STK32B: variants seen among roughly 807,000 people sequenced by gnomAD.
STK32B encodes the protein serine/threonine kinase 32B.
STK32B carries 43 observed loss-of-function variants against 52.6 expected under a neutral mutation model. The observed-to-expected ratio is 0.82, with a 90% CI of 0.64 to 1.05. The LOEUF is 1.05. Ranked by LOEUF, STK32B falls within the 50% of genes least tolerant of loss-of-function variation. The pLI, the probability that STK32B is intolerant of heterozygous loss-of-function variation, is 0.00. For missense variants in STK32B, 621 were observed against 534.6 expected, an observed-to-expected ratio of 1.16 and a Z score of -1.59; for synonymous variants, 238 against 204.3, an observed-to-expected ratio of 1.17 and a Z score of -1.41.
intron 3 of STK32B, among the ~76,000 whole-genome samples, chr4:5,205,698 G>A (rs1235497958): frequency 5.8e-5 from 4 of 69,206 alleles, no homozygotes; most frequent in African/African-American, 1.2e-4. Context: ...GACCAGGCGC[G>A]CGCGCGTGTG....
At chr4:5,192,923 A>G (rs1160583765) in intron 3 of STK32B, among the ~76,000 whole-genome samples, 4 of 152,170 alleles carry the variant, frequency 2.6e-5, no homozygotes, top group African/African-American at 7.2e-5. Context: ...TTCTATGAGC[A>G]TGACCTTTTT....
intron 3 of STK32B, among the ~76,000 whole-genome samples, chr4:5,282,905 T>C (rs1422645796): frequency 2.0e-5 from 3 of 152,156 alleles, no homozygotes; most frequent in African/African-American, 7.2e-5. Context: ...CAGACCACAG[T>C]TGACCGTGGG....
chr4:5,187,917 C>T (rs565187786), intron 3 of STK32B, among the ~76,000 whole-genome samples: 4 of 152,218 alleles, frequency 2.6e-5, no homozygotes, highest in Non-Finnish European at 4.4e-5. Flanking sequence ...AGGAAGGAAG[C>T]GTGGTTATTA....
intron 3 of STK32B, among the ~76,000 whole-genome samples, chr4:5,241,658 G>T (rs950304409): frequency 1.3e-5 from 2 of 151,922 alleles, no homozygotes; most frequent in African/African-American, 4.8e-5. Flanking sequence ...CATGTGCCAT[G>T]TTGGTGTGCT....
intron 2 of STK32B, among the ~76,000 whole-genome samples, chr4:5,151,578 C>T (rs1449549288): frequency 6.6e-6 from 1 of 152,230 alleles, no homozygotes; most frequent in Non-Finnish European, 1.5e-5. Context: ...TAAACAACTG[C>T]TGGCAATCCA....
At chr4:5,342,652 C>T (rs909741723) in intron 4 of STK32B, among the ~76,000 whole-genome samples, 2 of 152,194 alleles carry the variant, frequency 1.3e-5, no homozygotes, top group Non-Finnish European at 2.9e-5. Flanking sequence ...ACCTCCAACA[C>T]TGGAAATTAC....
chr4:5,033,159 G>A, the STK32B span, among the ~76,000 whole-genome samples: 1 of 152,170 alleles, frequency 6.6e-6, no homozygotes, highest in Non-Finnish European at 1.5e-5. Flanking sequence ...GGGCCCCAGG[G>A]TCAGCGGCCT....
At chr4:5,144,790 A>AT (rs1716777974) in intron 2 of STK32B, among the ~76,000 whole-genome samples, 1 of 117,130 alleles carries the variant, frequency 8.5e-6, no homozygotes, top group African/African-American at 3.4e-5. Flanking sequence ...TCACTCATCC[A>AT]TCCATCCATC....
At chr4:5,371,184 G>T (rs1735217219) in intron 4 of STK32B, among the ~76,000 whole-genome samples, 2 of 152,028 alleles carry the variant, frequency 1.3e-5, no homozygotes, top group African/African-American at 4.8e-5. Flanking sequence ...AGACAGCTGG[G>T]ATTACAGCCA....
intron 6 of STK32B, among the ~76,000 whole-genome samples, chr4:5,443,467 G>A (rs1323599890): frequency 6.6e-6 from 1 of 151,884 alleles, no homozygotes; most frequent in African/African-American, 2.4e-5. Flanking sequence ...GCTCCTTTAA[G>A]CACTCCTCTG....
intron 1 of STK32B, among the ~76,000 whole-genome samples, chr4:5,055,820 T>C (rs566713388): frequency 6.6e-6 from 1 of 152,192 alleles, no homozygotes; most frequent in South Asian, 2.1e-4. Flanking sequence ...TAGACTCTCA[T>C]TGACCACCCT....
intron 6 of STK32B, among the ~76,000 whole-genome samples, chr4:5,440,204 A>G (rs1282766735): frequency 1.3e-5 from 2 of 152,150 alleles, no homozygotes; most frequent in African/African-American, 2.4e-5. Context: ...CAGTATGGCC[A>G]TTTTCACGAT....
intron 6 of STK32B, among the ~76,000 whole-genome samples, chr4:5,425,684 A>G (rs1713031930): frequency 6.6e-6 from 1 of 152,272 alleles, no homozygotes; most frequent in Middle Eastern, 3.4e-3. Flanking sequence ...AGTAAAATGT[A>G]CTCTTTTAGT....
chr4:5,220,396 A>T (rs1723450072), intron 3 of STK32B, among the ~76,000 whole-genome samples: 1 of 152,232 alleles, frequency 6.6e-6, no homozygotes, highest in Non-Finnish European at 1.5e-5. Flanking sequence ...TAAGATAGAG[A>T]GTAGTAAACA....
At chr4:5,216,816 G>A (rs1723209428) in intron 3 of STK32B, among the ~76,000 whole-genome samples, 1 of 152,164 alleles carries the variant, frequency 6.6e-6, no homozygotes, top group African/African-American at 2.4e-5. Context: ...AGGTGTGGTG[G>A]GTGTGATATG....
the STK32B span, among the ~76,000 whole-genome samples, chr4:5,037,166 C>T: frequency 5.3e-5 from 8 of 152,158 alleles, no homozygotes; most frequent in Middle Eastern, 3.2e-3. Context: ...TTTCTATCCA[C>T]TAGGGCCAGT....
intron 6 of STK32B, among the ~76,000 whole-genome samples, chr4:5,439,223 T>C (rs1215588580): frequency 6.6e-6 from 1 of 150,774 alleles, no homozygotes; most frequent in African/African-American, 2.4e-5. Context: ...CCACCAACAG[T>C]GTGAAAGTGT....
intron 6 of STK32B, chr4:5,436,657 AG>A: frequency 1.0e-6 from 1 of 985,394 alleles, no homozygotes; most frequent in Admixed American, 6.1e-5. Flanking sequence ...TGAGGAAGGG[AG>A]GGTACACGCG....
chr4:5,374,422 A>C (rs1019069987), intron 4 of STK32B, among the ~76,000 whole-genome samples: 1 of 152,246 alleles, frequency 6.6e-6, no homozygotes, highest in African/African-American at 2.4e-5. Context: ...AGAGTTTGTC[A>C]TAAATATAAG....
Sources: allele counts gnomAD v4.1 joint callset (sites outside exome capture counted in the v4.1 genomes callset), GRCh38; gene constraint gnomAD v4.1.1; transcripts MANE v1.5; gene names NCBI Gene and HGNC (gene_info 2026-07-23, HGNC 2026-07-21).